SHLD1: variants seen among roughly 807,000 people sequenced by gnomAD.
SHLD1 encodes RINN1-REV7-interacting novel NHEJ regulator 3.
A neutral mutation model predicts 5.5 loss-of-function variants in SHLD1; 3 were observed. That is an observed-to-expected ratio of 0.54 (90% CI 0.25 to 1.40). The LOEUF (loss-of-function observed/expected upper bound fraction) is 1.40, where lower values mean the gene tolerates loss of function less well. SHLD1 is among the 40% of genes most tolerant of loss of function. SHLD1 has a pLI of 0.15. For missense variants in SHLD1, 210 were observed against 244.4 expected (o/e 0.86, Z 0.94); for synonymous variants, 92 against 94.3 (o/e 0.98, Z 0.14).
rs543408534 is a variant in SHLD1, at chr20:5,773,386, T to C, written c.178+343T>C. ...TTTTTTGTTTTGTTCTTTTAAAACT[T>C]CAGAAAATAGCAATGTGGGCCTGTT... On this transcript the variant is annotated intron_variant, in intron 2 of 2. Transcript: ENST00000303142. 5 of 563,486 alleles carry C rather than the reference T, an allele frequency of 8.9e-6. No individual in the cohort carries two copies. The African/African-American group carries it at 9.3e-5, about 11-fold the overall frequency. 34.9% of individuals were successfully genotyped at this position (563,486 alleles called of 1,614,324 possible). A position where few individuals can be genotyped will look rare whatever the true frequency, so the allele number is the denominator to read the frequency against.
intron 2 of SHLD1, among the ~76,000 whole-genome samples, chr20:5,846,486 C>T (rs2087934248): frequency 6.6e-6 from 1 of 152,246 alleles, no homozygotes; most frequent in Non-Finnish European, 1.5e-5. Flanking sequence ...AACTCAATTG[C>T]TTTTCCTTTC....
chr20:5,850,902 G>A (rs2088000509), intron 2 of SHLD1, among the ~76,000 whole-genome samples: 1 of 152,186 alleles, frequency 6.6e-6, no homozygotes, highest in Non-Finnish European at 1.5e-5. Flanking sequence ...TGCCTTGGCT[G>A]GTCGATGCTC....
intron 2 of SHLD1, among the ~76,000 whole-genome samples, chr20:5,804,263 G>A (rs942812838): frequency 1.3e-5 from 2 of 151,310 alleles, no homozygotes; most frequent in African/African-American, 4.9e-5. Context: ...GCAATGAGCC[G>A]TACTTACTAT....
intron 2 of SHLD1, among the ~76,000 whole-genome samples, chr20:5,858,413 G>A (rs2088117667): frequency 6.6e-6 from 1 of 152,172 alleles, no homozygotes; most frequent in Non-Finnish European, 1.5e-5. Flanking sequence ...GTTTCTAAAG[G>A]CTAATGGCAT....
chr20:5,810,693 G>T (rs2122372718), intron 2 of SHLD1, among the ~76,000 whole-genome samples: 1 of 150,934 alleles, frequency 6.6e-6, no homozygotes, highest in East Asian at 1.9e-4. Flanking sequence ...CAAGAGTTTT[G>T]AGACCAGACT....
At chr20:5,755,708 C>T (rs530191899) in intron 1 of SHLD1, among the ~76,000 whole-genome samples, 19 of 152,082 alleles carry the variant, frequency 1.2e-4, no homozygotes, top group African/African-American at 4.1e-4. Context: ...TACAGGCACG[C>T]ACCACCGCGC....
intron 1 of SHLD1, among the ~76,000 whole-genome samples, chr20:5,768,904 G>GTT (rs11475696): frequency 1.0e-4 from 12 of 117,040 alleles, no homozygotes; most frequent in Admixed American, 2.7e-4. Context: ...TCATGTAATT[G>GTT]TTTTTTTTTT....
At chr20:5,767,476 A>C (rs1435816508) in intron 1 of SHLD1, among the ~76,000 whole-genome samples, 1 of 152,078 alleles carries the variant, frequency 6.6e-6, no homozygotes, top group African/African-American at 2.4e-5. Context: ...CATTTCAGTT[A>C]GTAAATCTAT....
chr20:5,803,108 C>T (rs1227026211), intron 2 of SHLD1, among the ~76,000 whole-genome samples: 1 of 152,124 alleles, frequency 6.6e-6, no homozygotes, highest in Non-Finnish European at 1.5e-5. Context: ...TCCTGAAGAC[C>T]AGGGGGCCTT....
chr20:5,822,793 C>A (rs2087621150), intron 2 of SHLD1, among the ~76,000 whole-genome samples: 1 of 151,934 alleles, frequency 6.6e-6, no homozygotes, highest in Admixed American at 6.6e-5. Flanking sequence ...TGGCTACATA[C>A]AAAGATGATG....
intron 2 of SHLD1, among the ~76,000 whole-genome samples, chr20:5,837,986 A>G (rs2087810098): frequency 6.6e-6 from 1 of 152,130 alleles, no homozygotes; most frequent in African/African-American, 2.4e-5. Flanking sequence ...GCAAAGACGG[A>G]AAAAAAATAC....
At position 5,769,530 on chromosome 20, in the gene SHLD1, A is replaced by G. The variant is rs1334786907; in HGVS notation, c.-4-3332A>G. Among the ~76,000 whole-genome samples, 4 of 152,222 alleles carry G rather than the reference A, an allele frequency of 2.6e-5. No homozygotes were observed. The East Asian group carries it at 7.7e-4, about 29-fold the overall frequency. ...GTACTACGTTTTTTCCTATGCATAT[A>G]TACATACCTATGATAAAGGTTAATT... On this transcript the variant is annotated intron_variant, in intron 1 of 2. Transcript: ENST00000303142.
chr20:5,753,796 A>G (rs1182112938), intron 1 of SHLD1, among the ~76,000 whole-genome samples: 1 of 152,206 alleles, frequency 6.6e-6, no homozygotes, highest in African/African-American at 2.4e-5. Context: ...TCTGTGCCCT[A>G]TGTAAATCAG....
At chr20:5,775,923 A>ATTTTTTTTTTTTTTTTTTTTTTTTTTT (rs533313849) in intron 2 of SHLD1, among the ~76,000 whole-genome samples, 1 of 77,686 alleles carries the variant, frequency 1.3e-5, no homozygotes, top group African/African-American at 6.0e-5. Context: ...TCAGCTCAGG[A>ATTTTTTTTTTTTTTTTTTTTTTTTTTT]TTTTTTTTTT....
rs1406100449 is a variant in SHLD1 at position 5,771,442 on chromosome 20, A to G, written c.-4-1420A>G. Among the ~76,000 whole-genome samples, 4 of 152,160 alleles carry G rather than the reference A, an allele frequency of 2.6e-5. 1 individual carries two copies. Among genetic ancestry groups the G allele is most frequent in the Non-Finnish European group, 5.9e-5 (4 of 68,032 alleles). On this transcript the variant is annotated intron_variant, in intron 1 of 2. Coordinates refer to ENST00000303142, the MANE Select transcript of SHLD1 (RefSeq NM_152504.4). ...TGTAACTGTCCCTTACTTGCAGTAA[A>G]TGGCTTGGTGTCACTTGTTTCAGGG...
chr20:5,774,179 G>C (rs1985321362), intron 2 of SHLD1, among the ~76,000 whole-genome samples: 1 of 152,122 alleles, frequency 6.6e-6, no homozygotes, highest in Non-Finnish European at 1.5e-5. Flanking sequence ...ACTCCAGTCT[G>C]AGCGAAAGAG....
At chr20:5,840,566 T>C (rs1223284951) in intron 2 of SHLD1, among the ~76,000 whole-genome samples, 3 of 152,218 alleles carry the variant, frequency 2.0e-5, no homozygotes, top group East Asian at 3.8e-4. Flanking sequence ...AGCTTTTTTA[T>C]TGGGAAGCTT....
intron 2 of SHLD1, among the ~76,000 whole-genome samples, chr20:5,802,100 A>G (rs1465439591): frequency 6.6e-6 from 1 of 152,252 alleles, no homozygotes. Flanking sequence ...GAAACAAGTT[A>G]GAGTCCTGTG....
intron 2 of SHLD1, among the ~76,000 whole-genome samples, chr20:5,788,620 C>G (rs1274813625): frequency 2.6e-5 from 4 of 152,152 alleles, no homozygotes; most frequent in African/African-American, 9.7e-5. Flanking sequence ...GTGTGTTAAA[C>G]CTTTCTCATT....
Sources: gnomAD v4.1 joint callset for allele counts (sites outside exome capture counted in the v4.1 genomes callset) on GRCh38, gnomAD v4.1.1 for gene constraint, MANE v1.5 for transcripts, NCBI Gene and HGNC (gene_info 2026-07-23, HGNC 2026-07-21) for gene names.